Variants in SDF4 observed in about 807,000 individuals in gnomAD.
SDF4 encodes the protein stromal cell derived factor 4.
A neutral mutation model predicts 34.2 loss-of-function variants in SDF4; 22 were observed. That is an observed-to-expected ratio of 0.64 (90% CI 0.46 to 0.92). The LOEUF (loss-of-function observed/expected upper bound fraction) is 0.92. Ranked by LOEUF, SDF4 falls within the 40% of genes least tolerant of loss-of-function variation. The pLI is 0.00. For synonymous variants in SDF4, 236 were observed against 203.1 expected, an observed-to-expected ratio of 1.16 and a Z score of -1.38; for missense variants, 447 against 499.9, an observed-to-expected ratio of 0.89 and a Z score of 1.01.
At chr1:1,220,713 G>C in intron 4 of SDF4, 1 of 1,289,242 alleles carries the variant, frequency 7.8e-7, no homozygotes, top group African/African-American at 1.5e-5. Context: ...AGAGCTCTAG[G>C]TCCAGGTGGG....
rs149453953 is a variant in SDF4, at chr1:1,221,460, G to A, written c.556+1784C>T. ...CACTGGTGGTCCCAGTCACTCAGGA[G>A]GCCGCCCCCATGGGGGCTGGTCACA... On this transcript the variant is annotated intron_variant, in intron 4 of 6. Coordinates refer to ENST00000360001, the MANE Select transcript of SDF4 (RefSeq NM_016176.6). 2.0e-5 allele frequency: 3 copies of A among 152,502 alleles called. No individual in the cohort carries two copies. In the East Asian group the frequency reaches 5.8e-4, roughly 30 times the overall value. The allele number at this position is 152,502 out of a possible 1,614,324, so 9.4% of individuals were successfully genotyped here.
chr1:1,221,550 T>C (rs570531029), intron 4 of SDF4, among the ~76,000 whole-genome samples: 12 of 151,950 alleles, frequency 7.9e-5, no homozygotes, highest in African/African-American at 2.4e-4. Flanking sequence ...CCAAGGAGGA[T>C]AGATTGAGCC....
chr1:1,222,897 G>A (rs3813199), intron 4 of SDF4, among the ~76,000 whole-genome samples: 17,454 of 152,272 alleles, frequency 0.11, 1,148 homozygotes, highest in East Asian at 0.17. Flanking sequence ...ATGTACTCAC[G>A]AGCCTACATG....
chr1:1,219,668 G>A (rs1649798973), intron 4 of SDF4: 2 of 986,254 alleles, frequency 2.0e-6, no homozygotes, highest in Non-Finnish European at 2.4e-6. Context: ...GCCCCAACGG[G>A]CCCTCACCCC....
rs537160572 is a variant in SDF4 at position 1,223,388 on chromosome 1, T to A, written c.443-31A>T. On this transcript the variant is annotated intron_variant, in intron 3 of 6. Coordinates refer to ENST00000360001, the MANE Select transcript of SDF4 (RefSeq NM_016176.6). The stretch of plus-strand genomic sequence containing the variant: ...AGAGCAGATCACACCTGTCAGGGCC[T>A]CTGATACTGAGCTGAACTTCCTTCT... 72 of 1,451,892 alleles carry A rather than the reference T, an allele frequency of 5.0e-5. 2 individuals carry two copies. In the South Asian group the frequency reaches 8.3e-4, roughly 17 times the overall value. 89.9% of individuals were successfully genotyped at this position (1,451,892 alleles called of 1,614,324 possible).
At position 1,218,811 on chromosome 1, in the gene SDF4, C is replaced by G; in HGVS notation, c.673G>C (p.Gly225Arg). Residue 225 changes from glycine (G) to arginine (R), a missense_variant, in exon 5 of 7, where the codon GGA becomes CGA. Gly to Arg is a moderately radical substitution (Grantham distance 125, BLOSUM62 -2). Transcript: ENST00000360001. The surrounding 1 kb of genome is among the most constrained non-coding windows in gnomAD (Gnocchi z 7.9). ...LSFLHPEHSR[G>R]MLRFMVKEIV... The stretch of plus-strand genomic sequence containing the variant: ...TCCTTCACCATGAACCTGAGCATTC[C>G]CCGGCTGTGCTCGGGGTGGAGGAAC... 6.2e-7 allele frequency: 1 copy of G among 1,608,424 alleles called. No individual in the cohort carries two copies. Among genetic ancestry groups the G allele is most frequent in the Non-Finnish European group, 8.5e-7 (1 of 1,176,230 alleles).
intron 4 of SDF4, chr1:1,220,925 G>A (rs1003716449): frequency 1.0e-5 from 4 of 398,780 alleles, no homozygotes; most frequent in African/African-American, 2.1e-5. Flanking sequence ...TGTGTGGGGA[G>A]GAAAATGTAA....
intron 2 of SDF4, among the ~76,000 whole-genome samples, chr1:1,224,526 C>T (rs1251390986): frequency 6.6e-6 from 1 of 152,196 alleles, no homozygotes; most frequent in African/African-American, 2.4e-5. Context: ...ATGATCCACC[C>T]ACCTCAGCCT....
chr1:1,229,758 G>A (rs1638434379), intron 1 of SDF4, among the ~76,000 whole-genome samples: 2 of 151,932 alleles, frequency 1.3e-5, no homozygotes, highest in African/African-American at 2.4e-5. Context: ...TGGCCTCCCC[G>A]GCCTCAGCTT....
chr1:1,220,037 C>T (rs561646263), intron 4 of SDF4: 134 of 985,688 alleles, frequency 1.4e-4, no homozygotes, highest in Non-Finnish European at 1.5e-4. Flanking sequence ...GATGGATGGA[C>T]GGGGCCAAAC....
In SDF4 at chr1:1,218,432, C is replaced by T. The variant is rs554256241; in HGVS notation, c.891+26G>A. 9 of 1,602,508 alleles carry T rather than the reference C, an allele frequency of 5.6e-6. No homozygotes were observed. The highest frequency in any genetic ancestry group is 4.4e-5 in the South Asian group (4 of 90,568). Reference sequence around the variant, plus strand: ...CCACAGCACCTCGCAGGGCCGGCTCCGGGACACGGCTGCGCCAGGGCTCAC... The same window carrying T: ...CCACAGCACCTCGCAGGGCCGGCTCTGGGACACGGCTGCGCCAGGGCTCAC... On this transcript the variant is annotated intron_variant, in intron 6 of 6. Transcript: ENST00000360001. The surrounding 1 kb of genome is among the most constrained non-coding windows in gnomAD (Gnocchi z 7.9).
rs965573699 is a variant in SDF4 at position 1,219,130 on chromosome 1, C to T, written c.557-203G>A. ...CCCCCGCCAAGACATAACCCAGAGC[C>T]TCCCACAGGCCTGATCCCCAAAGGC... On this transcript the variant is annotated intron_variant, in intron 4 of 6. Coordinates refer to ENST00000360001, the MANE Select transcript of SDF4 (RefSeq NM_016176.6). 1.4e-4 allele frequency: 213 copies of T among 1,486,738 alleles called. 1 individual carries two copies. The highest frequency in any genetic ancestry group is 8.5e-4 in the South Asian group (67 of 78,926). The allele number at this position is 1,486,738 out of a possible 1,614,324, so 92.1% of individuals were successfully genotyped here.
chr1:1,221,275 G>A (rs75998592), intron 4 of SDF4: 16,655 of 160,384 alleles, frequency 0.1, 953 homozygotes, highest in East Asian at 0.18. Flanking sequence ...AGAGGCCAAG[G>A]CAGGCGGGTC....
Position 1,217,787 on chromosome 1 carries a change from C to T in SDF4, c.892-99G>A, listed in dbSNP as rs374778280. On this transcript the variant is annotated intron_variant, in intron 6 of 6. Transcript: ENST00000360001. The surrounding 1 kb of genome is among the most constrained non-coding windows in gnomAD (Gnocchi z 8.5). ...TATTTAAGGTGCCTATTGGCTGCAG[C>T]GGGAGTGTGGGCACGTTCTGGAAGG... is the stretch of plus-strand genomic sequence containing the variant. The T allele has an allele frequency of 1.5e-5, 24 of 1,590,484 alleles. No individual in the cohort carries two copies. In the African/African-American group the frequency reaches 1.6e-4, roughly 11 times the overall value.
chr1:1,224,891 C>T (rs935062633), intron 2 of SDF4, among the ~76,000 whole-genome samples: 2 of 152,158 alleles, frequency 1.3e-5, no homozygotes, highest in Non-Finnish European at 2.9e-5. Context: ...CCAGCCTGGG[C>T]GGCATACCGA....
rs758400680 is a variant in SDF4, at chr1:1,217,742, G to A, written c.892-54C>T. The A allele has an allele frequency of 1.2e-5, 19 of 1,609,490 alleles. No individual in the cohort carries two copies. The highest frequency in any genetic ancestry group is 9.0e-5 in the East Asian group (4 of 44,650). ...TCGCCTTTCCCCCTCCGAGCTCCGC[G>A]GCCAGCCGCACGAAGTGGCTATTTA... On this transcript the variant is annotated intron_variant, in intron 6 of 6. Transcript: ENST00000360001. The surrounding 1 kb of genome is among the most constrained non-coding windows in gnomAD (Gnocchi z 8.5).
chr1:1,218,604 G>C lies in SDF4; in HGVS notation c.745C>G (p.Pro249Ala), dbSNP rs1553149205. The change falls in exon 6 of 7, where the codon CCC becomes GCC. Residue 249 changes from proline to alanine, a missense_variant. Pro to Ala is a conservative substitution (Grantham distance 27, BLOSUM62 -1). Transcript: ENST00000360001. The surrounding 1 kb of genome is among the most constrained non-coding windows in gnomAD (Gnocchi z 7.9). ...DQDGDKQLSV[P>A]EFISLPVGTV... Reference sequence around the variant, plus strand: ...CCCACGGGCAGGGAGATGAACTCGGGCACAGAGAGCTGCTTGTCACCGTCC... The same window carrying C: ...CCCACGGGCAGGGAGATGAACTCGGCCACAGAGAGCTGCTTGTCACCGTCC... 1 of 1,614,022 alleles carries C rather than the reference G, an allele frequency of 6.2e-7. No homozygotes were observed. The highest frequency in any genetic ancestry group is 1.7e-5 in the Admixed American group (1 of 60,022).
intron 2 of SDF4, among the ~76,000 whole-genome samples, chr1:1,224,633 A>G (rs974406430): frequency 6.6e-6 from 1 of 152,214 alleles, no homozygotes; most frequent in African/African-American, 2.4e-5. Flanking sequence ...TCATATAGGC[A>G]GGACGCAGTG....
intron 4 of SDF4, among the ~76,000 whole-genome samples, chr1:1,222,407 G>C (rs1317585911): frequency 2.0e-5 from 3 of 150,724 alleles, no homozygotes; most frequent in African/African-American, 2.4e-5. Context: ...TTCACGCAGA[G>C]GCACCAGCTT....
Sources: allele counts gnomAD v4.1 joint callset (sites outside exome capture counted in the v4.1 genomes callset), GRCh38; gene constraint gnomAD v4.1.1; non-coding constraint Gnocchi (gnomAD v3.1); transcripts MANE v1.5; gene names NCBI Gene and HGNC (gene_info 2026-07-23, HGNC 2026-07-21).